Variants in SCAF4 observed in about 807,000 individuals in gnomAD.
The protein encoded by SCAF4 is SR-related CTD associated factor 4.
A neutral mutation model predicts 129.8 loss-of-function variants in SCAF4; 25 were observed. The ratio of observed to expected loss-of-function variants is 0.19; its 90% CI spans 0.14 to 0.27. The LOEUF (loss-of-function observed/expected upper bound fraction) is 0.27. SCAF4 is among the 10% of genes least tolerant of loss of function. The pLI, the probability that SCAF4 is intolerant of heterozygous loss-of-function variation, is 1.00. For missense variants in SCAF4, 1,246 were observed against 1,457.1 expected, an observed-to-expected ratio of 0.86 and a Z score of 2.36; for synonymous variants, 551 against 497.7, an observed-to-expected ratio of 1.11 and a Z score of -1.43.
In SCAF4 at chr21:31,703,784, A is replaced by C. The variant is rs1357083523; in HGVS notation, c.302T>G (p.Leu101Arg). The C allele has an allele frequency of 6.4e-7, 1 of 1,557,074 alleles. No individual in the cohort carries two copies. The highest frequency in any genetic ancestry group is 1.2e-5 in the South Asian group (1 of 85,156). ...NITATFQYLY[L>R]CPSEDKSKIV... ...TTATACCTTATCTTCAGATGGACAA[A>C]GATATAAATATTGGAATGTGGCAGT... The change falls in exon 4 of 20, where the codon CTT becomes CGT. Residue 101 changes from leucine (L) to arginine (R), a missense_variant. Transcript: ENST00000286835.
At chr21:31,683,655 TGAA>T (rs536998001) in intron 19 of SCAF4, among the ~76,000 whole-genome samples, 5 of 151,824 alleles carry the variant, frequency 3.3e-5, no homozygotes, top group Non-Finnish European at 7.4e-5. Flanking sequence ...ATGTGGGATG[TGAA>T]GAAGGGGTTG....
At chr21:31,673,783 T>C (rs560340866) in intron 19 of SCAF4, among the ~76,000 whole-genome samples, 21 of 152,356 alleles carry the variant, frequency 1.4e-4, no homozygotes, top group African/African-American at 4.6e-4. Context: ...CCAGGCACAG[T>C]CTCTTTTAAT....
At chr21:31,706,738 G>C (rs1171707526) in intron 1 of SCAF4, 1 of 235,296 alleles carries the variant, frequency 4.2e-6, no homozygotes. Flanking sequence ...GGGAAAGGGA[G>C]GGGGAGCAAA....
At position 31,685,081 on chromosome 21, in the gene SCAF4, G is replaced by C. The variant is rs775120089; in HGVS notation, c.2456C>G (p.Thr819Ser). ...TGAAACAGGCTGGGTTACAGGAGGG[G>C]TGGGCAGATTCGTGGGTGCAGCAGG... ...VPPAAPTNLPTPPVTQPVSLL... is the reference protein window; with the variant it reads ...VPPAAPTNLPSPPVTQPVSLL... Residue 819 changes from threonine (T) to serine (S), a missense_variant, in exon 19 of 20, where the codon ACC becomes AGC. Transcript: ENST00000286835. 1.9e-6 allele frequency: 3 copies of C among 1,612,516 alleles called. No homozygotes were observed. In the South Asian group the frequency reaches 3.3e-5, roughly 18 times the overall value.
At chr21:31,684,661 C>T (rs768619820) in intron 19 of SCAF4, 2 of 188,210 alleles carry the variant, frequency 1.1e-5, no homozygotes, top group Non-Finnish European at 2.2e-5. Context: ...AAACCTATGC[C>T]GTTAAAGAAG....
intron 9 of SCAF4, 151 bp from the exon 10 acceptor site, chr21:31,695,131 A>C (rs1199235694): frequency 1.5e-6 from 1 of 651,274 alleles, no homozygotes; most frequent in African/African-American, 1.8e-5. Flanking sequence ...CATATGTACA[A>C]TTTCCACGCA....
At chr21:31,708,039 A>G (rs572060456) in intron 1 of SCAF4, among the ~76,000 whole-genome samples, 1 of 152,334 alleles carries the variant, frequency 6.6e-6, no homozygotes, top group Admixed American at 6.5e-5. Context: ...TTACCAATGT[A>G]ATAAAAAAAT....
intron 19 of SCAF4, among the ~76,000 whole-genome samples, chr21:31,672,689 T>C (rs1238339553): frequency 6.6e-6 from 1 of 152,208 alleles, no homozygotes; most frequent in Non-Finnish European, 1.5e-5. Context: ...AGAAACACAG[T>C]GTGCTAAGTC....
chr21:31,685,843 T>G (rs994780298), intron 16 of SCAF4, 110 bp from the exon 17 acceptor site: 1 of 1,052,768 alleles, frequency 9.5e-7, no homozygotes, highest in Admixed American at 3.0e-5. Flanking sequence ...TCTTAATTTG[T>G]GCTTATTAGA....
At chr21:31,718,247 A>G (rs2050987289) in intron 1 of SCAF4, among the ~76,000 whole-genome samples, 2 of 150,768 alleles carry the variant, frequency 1.3e-5, no homozygotes, top group East Asian at 2.0e-4. Context: ...TGCCAGGCCT[A>G]TATTTTTTTC....
At position 31,706,799 on chromosome 21, in the gene SCAF4, A is replaced by C. The variant is rs1028054253; in HGVS notation, c.31-442T>G. ...CAAGAAACTAAAGATTTACCTGCAG[A>C]AAACGGAGAAACTAAAACCAATGAG... is the stretch of plus-strand genomic sequence containing the variant. On this transcript the variant is annotated intron_variant, in intron 1 of 19. Coordinates refer to ENST00000286835, the MANE Select transcript of SCAF4 (RefSeq NM_020706.2). 3 of 229,258 alleles carry C rather than the reference A, an allele frequency of 1.3e-5. No homozygotes were observed. The South Asian group carries it at 1.8e-4, about 14-fold the overall frequency. The allele number at this position is 229,258 out of a possible 1,614,324, so 14.2% of individuals were successfully genotyped here.
intron 19 of SCAF4, among the ~76,000 whole-genome samples, chr21:31,672,843 T>C (rs930437939): frequency 2.6e-5 from 4 of 152,206 alleles, no homozygotes; most frequent in African/African-American, 9.7e-5. Flanking sequence ...AAGAGGAAGA[T>C]CTCTTTGACT....
In SCAF4 at chr21:31,731,768, A is replaced by C. The variant is rs989660262; in HGVS notation, c.-76T>G. 1.1e-5 allele frequency: 16 copies of C among 1,497,850 alleles called. 1 individual carries two copies. The highest frequency in any genetic ancestry group is 1.8e-4 in the Middle Eastern group (1 of 5,638). 92.8% of individuals were successfully genotyped at this position (1,497,850 alleles called of 1,614,324 possible). A position where few individuals can be genotyped will look rare whatever the true frequency, so the allele number is the denominator to read the frequency against. On this transcript the variant is annotated 5_prime_UTR_variant, in exon 1 of 20. Transcript: ENST00000286835. ...GCGCCGCGGCGGAGCGGGGCTGGGA[A>C]ACCAGCCGGGCCTGGTGGCCGGGGG...
Position 31,713,380 on chromosome 21 carries a change from T to C in SCAF4, c.31-7023A>G, listed in dbSNP as rs77819211. Among the ~76,000 whole-genome samples the C allele has an allele frequency of 1.1e-3, 164 of 152,344 alleles. 2 individuals carry two copies. The East Asian group carries it at 0.028, about 26-fold the overall frequency. On this transcript the variant is annotated intron_variant, in intron 1 of 19. Transcript: ENST00000286835. ...AATGGGGATAACAGTAGTCCCTCCT[T>C]ATTTAGTTAAGTCTAAGAATTAAAT...
At chr21:31,690,768 A>G in intron 15 of SCAF4, 29 bp downstream of exon 15, 2 of 1,593,530 alleles carry the variant, frequency 1.3e-6, no homozygotes, top group Non-Finnish European at 1.7e-6. Context: ...AAATAAGTGA[A>G]CTGTAAGAGA....
rs1415652588 is a variant in SCAF4, at chr21:31,685,083, G to A, written c.2454C>T (p.Pro818=). 6.2e-7 allele frequency: 1 copy of A among 1,612,620 alleles called. No individual in the cohort carries two copies. The highest frequency in any genetic ancestry group is 8.5e-7 in the Non-Finnish European group (1 of 1,179,522). ...AVPPAAPTNL[P]TPPVTQPVSL... is the part of the protein sequence containing the mutation. The stretch of plus-strand genomic sequence containing the variant: ...AAACAGGCTGGGTTACAGGAGGGGT[G>A]GGCAGATTCGTGGGTGCAGCAGGTG... Residue 818 remains proline (P), a synonymous_variant, in exon 19 of 20, where the codon CCC becomes CCT. Transcript: ENST00000286835.
intron 1 of SCAF4, among the ~76,000 whole-genome samples, chr21:31,725,501 A>G (rs2051179610): frequency 1.3e-5 from 2 of 152,202 alleles, no homozygotes; most frequent in Admixed American, 6.5e-5. Flanking sequence ...AGCCTAATTT[A>G]TGTCCAATTT....
At chr21:31,696,252 T>A (rs2050382928) in intron 8 of SCAF4, 31 bp from the exon 9 acceptor site, 1 of 1,542,930 alleles carries the variant, frequency 6.5e-7, no homozygotes, top group African/African-American at 1.4e-5. Context: ...TTTTACCCAT[T>A]CAAAAGCACA....
chr21:31,717,900 TATATACACACACACACACAC>T (rs2050970757), intron 1 of SCAF4, among the ~76,000 whole-genome samples: 2 of 78,592 alleles, frequency 2.5e-5, no homozygotes, highest in African/African-American at 9.0e-5. Context: ...TATATACACA[TATATACACACACACACACAC>T]ACACACACAC....
Sources: gnomAD v4.1 joint callset for allele counts (sites outside exome capture counted in the v4.1 genomes callset) on GRCh38, gnomAD v4.1.1 for gene constraint, MANE v1.5 for transcripts, NCBI Gene and HGNC (gene_info 2026-07-23, HGNC 2026-07-21) for gene names.